The following DIP2B variants were observed in gnomAD, a reference collection of about 807,000 sequenced individuals.
DIP2B encodes the protein disco-interacting protein 2 homolog B.
A neutral mutation model predicts 198.0 loss-of-function variants in DIP2B; 76 were observed. The ratio of observed to expected loss-of-function variants is 0.38; its 90% CI spans 0.32 to 0.46. DIP2B has a LOEUF of 0.46. Ranked by LOEUF, DIP2B falls within the 20% of genes least tolerant of loss-of-function variation. The probability of loss-of-function intolerance (pLI) is 0.99; values close to 1 mark genes in which losing one functional copy is unlikely to be tolerated. For missense variants in DIP2B, 1,559 were observed against 1,978.4 expected (o/e 0.79, Z 4.02); for synonymous variants, 701 against 739.1 (o/e 0.95, Z 0.84).
At chr12:50,542,426 A>G (rs989681273) in intron 1 of DIP2B, among the ~76,000 whole-genome samples, 1 of 152,160 alleles carries the variant, frequency 6.6e-6, no homozygotes, top group African/African-American at 2.4e-5. Context: ...TCATAAAAGG[A>G]AAAGATTTGA....
chr12:50,608,583 G>T (rs1274546896), intron 1 of DIP2B, among the ~76,000 whole-genome samples: 1 of 148,436 alleles, frequency 6.7e-6, no homozygotes, highest in Non-Finnish European at 1.5e-5. Flanking sequence ...CTGAGTTCGT[G>T]CCACTACACT....
chr12:50,617,237 G>A (rs777844028), intron 1 of DIP2B, among the ~76,000 whole-genome samples: 3 of 150,826 alleles, frequency 2.0e-5, no homozygotes, highest in Non-Finnish European at 4.4e-5. Flanking sequence ...CTCACTGCAA[G>A]TTCCACCTCC....
intron 1 of DIP2B, among the ~76,000 whole-genome samples, chr12:50,575,686 CTTTATTG>C (rs1260288543): frequency 1.3e-5 from 2 of 151,856 alleles, no homozygotes. Flanking sequence ...CCAGGCCCTC[CTTTATTG>C]TTTATCTCCT....
intron 1 of DIP2B, among the ~76,000 whole-genome samples, chr12:50,521,498 T>C (rs1958119394): frequency 6.9e-6 from 1 of 144,504 alleles, no homozygotes; most frequent in Admixed American, 6.9e-5. Context: ...TCTTTTTTTT[T>C]TTTTTTTTTT....
At chr12:50,512,126 A>G (rs1354186187) in intron 1 of DIP2B, among the ~76,000 whole-genome samples, 3 of 44,326 alleles carry the variant, frequency 6.8e-5, no homozygotes, top group Non-Finnish European at 1.0e-4. Context: ...TTTTTTTTTG[A>G]GATAGAGTCT....
chr12:50,666,153 A>G (rs756408848), intron 4 of DIP2B, among the ~76,000 whole-genome samples: 3 of 152,232 alleles, frequency 2.0e-5, no homozygotes, highest in Non-Finnish European at 2.9e-5. Context: ...AAGCCAAAGT[A>G]CAATAAAAAC....
chr12:50,593,155 T>C (rs1441914235), intron 1 of DIP2B, among the ~76,000 whole-genome samples: 1 of 152,224 alleles, frequency 6.6e-6, no homozygotes, highest in Non-Finnish European at 1.5e-5. Context: ...AACTTGTGTA[T>C]AGCCCTAGAC....
chr12:50,590,431 G>A (rs960248299), intron 1 of DIP2B, among the ~76,000 whole-genome samples: 4 of 151,858 alleles, frequency 2.6e-5, no homozygotes, highest in Non-Finnish European at 5.9e-5. Context: ...GTGCAGTGGC[G>A]TGATCTCAGC....
chr12:50,725,953 T>C (rs1404645141), intron 28 of DIP2B, among the ~76,000 whole-genome samples: 2 of 152,130 alleles, frequency 1.3e-5, no homozygotes, highest in Admixed American at 6.6e-5. Context: ...AAATATTTGT[T>C]ACTGAAGGAT....
At chr12:50,660,598 C>T (rs1938628960) in intron 4 of DIP2B, among the ~76,000 whole-genome samples, 1 of 151,396 alleles carries the variant, frequency 6.6e-6, no homozygotes, top group Non-Finnish European at 1.5e-5. Flanking sequence ...CTTATGTAGT[C>T]ATAAATACAG....
intron 1 of DIP2B, among the ~76,000 whole-genome samples, chr12:50,594,941 C>T (rs2139434757): frequency 6.6e-6 from 1 of 152,270 alleles, no homozygotes; most frequent in East Asian, 1.9e-4. Flanking sequence ...TCTTAATGGG[C>T]TTGTCCTGCA....
Position 50,718,025 on chromosome 12 carries a change from G to T in DIP2B, c.2852-684G>T, listed in dbSNP as rs571182866. Among the ~76,000 whole-genome samples, 107 of 143,452 alleles carry T rather than the reference G, an allele frequency of 7.5e-4. No individual in the cohort carries two copies. In the South Asian group the frequency reaches 7.9e-3, roughly 11 times the overall value. The allele number at this position is 143,452 out of a possible 152,430, so 94.1% of individuals were successfully genotyped here. A position where few individuals can be genotyped will look rare whatever the true frequency, so the allele number is the denominator to read the frequency against. On this transcript the variant is annotated intron_variant, in intron 23 of 37. Coordinates refer to ENST00000301180, the MANE Select transcript of DIP2B (RefSeq NM_173602.3). ...AGCAATTCTCCTGCCTCAGCCTCCCGAGTAGCTGGGACTACAGGTGTGTAC... is the reference window on the plus strand; with the variant it reads ...AGCAATTCTCCTGCCTCAGCCTCCCTAGTAGCTGGGACTACAGGTGTGTAC...
Position 50,600,842 on chromosome 12 carries a change from T to G in DIP2B, c.101-25134T>G, listed in dbSNP as rs981041125. ...CCCCTGGAAACCTCTTCCCAAGATATCTGTAGGGCTGACTCCTCCTGGTCT... is the reference window on the plus strand; with the variant it reads ...CCCCTGGAAACCTCTTCCCAAGATAGCTGTAGGGCTGACTCCTCCTGGTCT... On this transcript the variant is annotated intron_variant, in intron 1 of 37. Transcript: ENST00000301180. 2.0e-5 allele frequency among the ~76,000 whole-genome samples: 3 copies of G among 151,794 alleles called. No homozygotes were observed. In the East Asian group the frequency reaches 5.8e-4, roughly 29 times the overall value.
intron 4 of DIP2B, among the ~76,000 whole-genome samples, chr12:50,667,990 A>C (rs1339562803): frequency 2.0e-5 from 3 of 152,154 alleles, no homozygotes; most frequent in Non-Finnish European, 2.9e-5. Context: ...AATGCTACCT[A>C]CTTGTCCAGT....
intron 3 of DIP2B, among the ~76,000 whole-genome samples, chr12:50,659,580 G>A (rs1360454865): frequency 6.6e-6 from 1 of 151,586 alleles, no homozygotes; most frequent in Non-Finnish European, 1.5e-5. Context: ...GAAGAGTTTT[G>A]TTTGGATGTG....
chr12:50,734,009 T>C (rs1940094278), intron 32 of DIP2B, 126 bp from the exon 33 acceptor site: 6 of 968,192 alleles, frequency 6.2e-6, no homozygotes, highest in Non-Finnish European at 8.2e-6. Flanking sequence ...GGGCCTACTC[T>C]CAAGGGGAGG....
chr12:50,735,598 G>A (rs778576907), intron 34 of DIP2B, among the ~76,000 whole-genome samples: 5 of 152,012 alleles, frequency 3.3e-5, no homozygotes, highest in African/African-American at 7.3e-5. Context: ...CCGAGTAGCC[G>A]GGGTTACAGG....
chr12:50,544,371 G>A (rs10876054), intron 1 of DIP2B, among the ~76,000 whole-genome samples: 132,676 of 152,236 alleles, frequency 0.87, 59,005 homozygotes, highest in Non-Finnish European at 0.98. Context: ...CAGTAGCACG[G>A]TCTCAGCTCA....
In DIP2B at chr12:50,744,739, T is replaced by C; in HGVS notation, c.4631T>C (p.Val1544Ala). 1 of 1,614,122 alleles carries C rather than the reference T, an allele frequency of 6.2e-7. No individual in the cohort carries two copies. The highest frequency in any genetic ancestry group is 8.5e-7 in the Non-Finnish European group (1 of 1,180,038). Reference protein sequence around the residue: ...VGVVVVVDPGVIPINSRGEKQ... With the variant: ...VGVVVVVDPGAIPINSRGEKQ... ...GTCGTGGTTGTGGTGGACCCAGGTG[T>C]CATCCCGATCAACTCCAGAGGAGAG... Residue 1544 changes from valine to alanine, a missense_variant, in exon 38 of 38, where the codon GTC (valine) becomes GCC (alanine). Val to Ala is a moderately conservative substitution (Grantham distance 64). Transcript: ENST00000301180.
Sources: gnomAD v4.1 joint callset for allele counts (sites outside exome capture counted in the v4.1 genomes callset) on GRCh38, gnomAD v4.1.1 for gene constraint, MANE v1.5 for transcripts, NCBI Gene and HGNC (gene_info 2026-07-23, HGNC 2026-07-21) for gene names.